Variants in COL13A1 observed in about 807,000 individuals in gnomAD.
The protein encoded by COL13A1 is collagen type XIII alpha 1 chain.
COL13A1 carries 89 observed loss-of-function variants against 130.9 expected under a neutral mutation model. The observed-to-expected ratio is 0.68, with a 90% CI of 0.57 to 0.81. The LOEUF (loss-of-function observed/expected upper bound fraction) is 0.81. COL13A1 is among the 30% of genes least tolerant of loss of function. The probability of loss-of-function intolerance (pLI) is 0.00; values close to 1 mark genes in which losing one functional copy is unlikely to be tolerated. For synonymous variants in COL13A1, 402 were observed against 341.6 expected (o/e 1.18, Z -1.95); for missense variants, 879 against 934.6 (o/e 0.94, Z 0.78).
chr10:69,926,609 A>T (rs2065391335), intron 26 of COL13A1, among the ~76,000 whole-genome samples: 1 of 152,252 alleles, frequency 6.6e-6, no homozygotes, highest in Non-Finnish European at 1.5e-5. Context: ...TTTTAAAGCC[A>T]ACAATCATCT....
intron 2 of COL13A1, among the ~76,000 whole-genome samples, chr10:69,843,258 C>T (rs190296795): frequency 7.2e-5 from 11 of 152,214 alleles, no homozygotes; most frequent in Non-Finnish European, 1.2e-4. Flanking sequence ...CCTCAACCCA[C>T]GGCCTAGGAG....
At chr10:69,834,436 G>C (rs1050919135) in intron 2 of COL13A1, among the ~76,000 whole-genome samples, 1 of 152,178 alleles carries the variant, frequency 6.6e-6, no homozygotes, top group African/African-American at 2.4e-5. Flanking sequence ...ACTAGGTGTG[G>C]GCCAAGGAGG....
At chr10:69,824,979 TG>T (rs1282535732) in intron 2 of COL13A1, among the ~76,000 whole-genome samples, 5 of 152,322 alleles carry the variant, frequency 3.3e-5, no homozygotes, top group South Asian at 2.1e-4. Context: ...TAGGATGGGC[TG>T]GGTCCTGCTG....
intron 13 of COL13A1, chr10:69,897,564 C>G: frequency 6.2e-7 from 1 of 1,610,866 alleles, no homozygotes; most frequent in Non-Finnish European, 8.5e-7. Flanking sequence ...CCGGGCCCCT[C>G]TCCACTGAGA....
chr10:69,908,071 G>T (rs1260308383), intron 17 of COL13A1, among the ~76,000 whole-genome samples: 2 of 152,194 alleles, frequency 1.3e-5, no homozygotes, highest in Admixed American at 6.5e-5. Flanking sequence ...GGTACCACCT[G>T]CTGTAAGGAG....
intron 14 of COL13A1, among the ~76,000 whole-genome samples, chr10:69,902,206 T>G (rs547383874): frequency 6.6e-6 from 1 of 152,344 alleles, no homozygotes; most frequent in Non-Finnish European, 1.5e-5. Flanking sequence ...AGTTGTTTAG[T>G]GAGCCAAATA....
chr10:69,857,109 CCTGAAT>C (rs1413892607), intron 2 of COL13A1, among the ~76,000 whole-genome samples: 2 of 152,168 alleles, frequency 1.3e-5, no homozygotes, highest in Non-Finnish European at 2.9e-5. Context: ...CTGCCCTTGG[CCTGAAT>C]CTGTAAAATT....
chr10:69,872,711 A>T (rs1589213292), intron 4 of COL13A1, among the ~76,000 whole-genome samples: 1 of 152,364 alleles, frequency 6.6e-6, no homozygotes, highest in Middle Eastern at 3.4e-3. Flanking sequence ...GACAAAAAAT[A>T]TAGCCATCTC....
In COL13A1 at chr10:69,930,024, T is replaced by G; in HGVS notation, c.1486-19T>G. ...ATGTTCTCTGCCCTGAGAGTCACCT[T>G]TAGTTGTTCCGGTTACAGGGGGAGA... On this transcript the variant is annotated intron_variant, in intron 28 of 40. Coordinates refer to ENST00000645393, the MANE Select transcript of COL13A1 (RefSeq NM_001368882.1). 6.2e-7 allele frequency: 1 copy of G among 1,613,002 alleles called. No homozygotes were observed. The highest frequency in any genetic ancestry group is 8.5e-7 in the Non-Finnish European group (1 of 1,179,010).
At chr10:69,829,297 CA>C in intron 2 of COL13A1, 2 of 981,456 alleles carry the variant, frequency 2.0e-6, no homozygotes, top group Non-Finnish European at 2.4e-6. Flanking sequence ...GTATTTTTAA[CA>C]TTGATGTATA....
intron 15 of COL13A1, among the ~76,000 whole-genome samples, chr10:69,904,082 G>A (rs2062476561): frequency 6.6e-6 from 1 of 152,182 alleles, no homozygotes; most frequent in African/African-American, 2.4e-5. Context: ...AGAGAGGGGG[G>A]TTAGTCTTAT....
chr10:69,806,483 G>A (rs1422838831), intron 1 of COL13A1, among the ~76,000 whole-genome samples: 1 of 152,248 alleles, frequency 6.6e-6, no homozygotes, highest in African/African-American at 2.4e-5. Flanking sequence ...GATGGCGGGA[G>A]CCAGCTCTGT....
intron 37 of COL13A1, among the ~76,000 whole-genome samples, chr10:69,946,338 A>G (rs2068531396): frequency 6.6e-6 from 1 of 152,168 alleles, no homozygotes; most frequent in Admixed American, 6.5e-5. Flanking sequence ...CTGCCCTCAG[A>G]AGGGGCAGAA....
chr10:69,864,017 C>T (rs1474344498), intron 2 of COL13A1, among the ~76,000 whole-genome samples: 1 of 151,714 alleles, frequency 6.6e-6, no homozygotes, highest in East Asian at 1.9e-4. Context: ...TGTAGTGAGC[C>T]GTGATTGCAC....
intron 2 of COL13A1, chr10:69,829,159 AC>A: frequency 1.2e-6 from 1 of 865,208 alleles, no homozygotes; most frequent in African/African-American, 1.8e-5. Flanking sequence ...TTTCCCTCAC[AC>A]CCCGTCAATC....
chr10:69,950,825 G>T (rs1432486302), intron 38 of COL13A1, among the ~76,000 whole-genome samples: 1 of 152,136 alleles, frequency 6.6e-6, no homozygotes, highest in Non-Finnish European at 1.5e-5. Context: ...CGAAGATCTG[G>T]AAGAACATCA....
intron 27 of COL13A1, 29 bp from the exon 28 acceptor site, chr10:69,928,908 C>T: frequency 6.3e-7 from 1 of 1,588,152 alleles, no homozygotes; most frequent in Non-Finnish European, 8.6e-7. Flanking sequence ...TGGGACAGTT[C>T]TTCCATGTGT....
intron 2 of COL13A1, among the ~76,000 whole-genome samples, chr10:69,826,716 T>C (rs1847583798): frequency 6.6e-6 from 1 of 152,148 alleles, no homozygotes; most frequent in African/African-American, 2.4e-5. Flanking sequence ...ATAGACACCA[T>C]AACAGGAGAC....
intron 38 of COL13A1, among the ~76,000 whole-genome samples, chr10:69,949,940 GTGTGTGTGCGTGTGTT>G (rs977888271): frequency 3.5e-5 from 5 of 143,996 alleles, no homozygotes; most frequent in South Asian, 2.3e-4. Context: ...TTGTGTGTGT[GTGTGTGTGCGTGTGTT>G]TGTGTGTGCG....
Sources: gnomAD v4.1 joint callset for allele counts (sites outside exome capture counted in the v4.1 genomes callset) on GRCh38, gnomAD v4.1.1 for gene constraint, MANE v1.5 for transcripts, NCBI Gene and HGNC (gene_info 2026-07-23, HGNC 2026-07-21) for gene names.